CNN3: variants seen among roughly 807,000 people sequenced by gnomAD.
CNN3 encodes the protein calponin-3.
CNN3 carries 11 observed loss-of-function variants against 39.0 expected under a neutral mutation model. The ratio of observed to expected loss-of-function variants is 0.28; its 90% CI spans 0.18 to 0.47. CNN3 has a LOEUF of 0.47. Among genes scored for constraint, CNN3 ranks in the 20% least tolerant of loss-of-function variants. CNN3 has a pLI of 0.99. For missense variants in CNN3, 266 were observed against 403.4 expected (o/e 0.66, Z 2.92); for synonymous variants, 101 against 138.3 (o/e 0.73, Z 1.89).
chr1:94,899,129 CT>C (rs1670797079), intron 6 of CNN3, among the ~76,000 whole-genome samples: 1 of 152,152 alleles, frequency 6.6e-6, no homozygotes, highest in South Asian at 2.1e-4. Context: ...ATAAACATAT[CT>C]TTTTTTCTGC....
At position 94,926,759 on chromosome 1, in the gene CNN3, A is replaced by C. The variant is rs1671594524; in HGVS notation, c.57+79T>G. On this transcript the variant is annotated intron_variant, in intron 1 of 6. Transcript: ENST00000370206. The surrounding 1 kb of genome is among the most constrained non-coding windows in gnomAD (Gnocchi z 4.2). ...GAAAACGGTGAGCCACAGCGCGAAG[A>C]GCAAACGAAGCACGGCCCAGCGCCA... 6.8e-7 allele frequency: 1 copy of C among 1,460,254 alleles called. No homozygotes were observed. The highest frequency in any genetic ancestry group is 1.4e-5 in the African/African-American group (1 of 70,508). The allele number at this position is 1,460,254 out of a possible 1,614,324, so 90.5% of individuals were successfully genotyped here. A position where few individuals can be genotyped will look rare whatever the true frequency, so the allele number is the denominator to read the frequency against.
At chr1:94,907,631 T>C (rs1317225425) in intron 1 of CNN3, among the ~76,000 whole-genome samples, 5 of 152,278 alleles carry the variant, frequency 3.3e-5, no homozygotes, top group South Asian at 2.1e-4. Flanking sequence ...GAGGCCAAGG[T>C]GGGCAGATCG....
chr1:94,906,498 C>G (rs538598512), intron 1 of CNN3, among the ~76,000 whole-genome samples: 1 of 152,006 alleles, frequency 6.6e-6, no homozygotes, highest in East Asian at 1.9e-4. Context: ...AGGGCGTTCT[C>G]AACTAGGAGA....
In CNN3 at chr1:94,926,444, C is replaced by A. The variant is rs1304844039; in HGVS notation, c.57+394G>T. Among the ~76,000 whole-genome samples, 1 of 152,168 alleles carries A rather than the reference C, an allele frequency of 6.6e-6. No homozygotes were observed. The highest frequency in any genetic ancestry group is 1.9e-4 in the East Asian group (1 of 5,166). ...GGGCTGCGGCAGCGGCTCGCCGGGT[C>A]CCTGGCCGCGCAGACGGGCTCCGCC... On this transcript the variant is annotated intron_variant, in intron 1 of 6. Coordinates refer to ENST00000370206, the MANE Select transcript of CNN3 (RefSeq NM_001839.5). The surrounding 1 kb of genome is among the most constrained non-coding windows in gnomAD (Gnocchi z 4.2).
chr1:94,918,568 C>T (rs982058697), intron 1 of CNN3, among the ~76,000 whole-genome samples: 1 of 150,306 alleles, frequency 6.7e-6, no homozygotes, highest in African/African-American at 2.5e-5. Context: ...CATAGGAATC[C>T]TTAGTTCCAA....
At chr1:94,908,374 G>A (rs544314222) in intron 1 of CNN3, among the ~76,000 whole-genome samples, 36 of 152,264 alleles carry the variant, frequency 2.4e-4, no homozygotes, top group African/African-American at 6.0e-4. Flanking sequence ...TCGTGGTGGC[G>A]GCTTCAGCCC....
At chr1:94,922,600 CA>C (rs909390930) in intron 1 of CNN3, among the ~76,000 whole-genome samples, 1 of 152,046 alleles carries the variant, frequency 6.6e-6, no homozygotes, top group African/African-American at 2.4e-5. Flanking sequence ...CTAAGCCCAC[CA>C]ACACATTTTT....
At chr1:94,911,656 C>T (rs1304468578) in intron 1 of CNN3, among the ~76,000 whole-genome samples, 2 of 152,030 alleles carry the variant, frequency 1.3e-5, no homozygotes, top group Non-Finnish European at 1.5e-5. Flanking sequence ...GTGGTTCCAG[C>T]AACTTGGGAG....
chr1:94,909,762 T>C (rs1429885570), intron 1 of CNN3, among the ~76,000 whole-genome samples: 1 of 151,720 alleles, frequency 6.6e-6, no homozygotes, highest in African/African-American at 2.4e-5. Context: ...AAGGGAGACC[T>C]AGCTTCAAAA....
At chr1:94,923,735 TAA>T (rs892866135) in intron 1 of CNN3, among the ~76,000 whole-genome samples, 38 of 152,196 alleles carry the variant, frequency 2.5e-4, no homozygotes, top group African/African-American at 8.9e-4. Flanking sequence ...ACCAAATACT[TAA>T]AGAGGCAGGG....
Position 94,920,512 on chromosome 1 carries a change from T to C in CNN3, c.57+6326A>G, listed in dbSNP as rs185011027. On this transcript the variant is annotated intron_variant, in intron 1 of 6. Coordinates refer to ENST00000370206, the MANE Select transcript of CNN3 (RefSeq NM_001839.5). ...AACCATGGCTAAAATTTATATAATGTGGGCTTTTGATTCCAGGCATTATTC... is the reference window on the plus strand; with the variant it reads ...AACCATGGCTAAAATTTATATAATGCGGGCTTTTGATTCCAGGCATTATTC... Among the ~76,000 whole-genome samples, 7 of 152,344 alleles carry C rather than the reference T, an allele frequency of 4.6e-5. No individual in the cohort carries two copies. The East Asian group carries it at 1.3e-3, about 29-fold the overall frequency.
rs1208958113 is a variant in CNN3 at position 94,899,630 on chromosome 1, C to T, written c.502-113G>A. Reference sequence around the variant, plus strand: ...CAGAAGGGGCACAACCGACAAGTTACTGAGCTGAGGCTCCAGTCAACTCTT... The same window carrying T: ...CAGAAGGGGCACAACCGACAAGTTATTGAGCTGAGGCTCCAGTCAACTCTT... On this transcript the variant is annotated intron_variant, in intron 5 of 6. Transcript: ENST00000370206. 7 of 1,072,304 alleles carry T rather than the reference C, an allele frequency of 6.5e-6. No individual in the cohort carries two copies. The African/African-American group carries it at 1.1e-4, about 17-fold the overall frequency. The allele number at this position is 1,072,304 out of a possible 1,614,324, so 66.4% of individuals were successfully genotyped here.
intron 4 of CNN3, 85 bp downstream of exon 4, chr1:94,902,036 C>T: frequency 1.6e-6 from 2 of 1,235,664 alleles, no homozygotes; most frequent in Non-Finnish European, 2.4e-6. Flanking sequence ...CCCACCTGGT[C>T]TGAACCCCCA....
At chr1:94,915,689 G>A (rs1301729538) in intron 1 of CNN3, among the ~76,000 whole-genome samples, 2 of 152,128 alleles carry the variant, frequency 1.3e-5, no homozygotes, top group East Asian at 1.9e-4. Context: ...CAGATCAAGG[G>A]CCAATGGAAA....
chr1:94,908,577 G>A (rs1338231494), intron 1 of CNN3, among the ~76,000 whole-genome samples: 1 of 152,144 alleles, frequency 6.6e-6, no homozygotes, highest in Non-Finnish European at 1.5e-5. Flanking sequence ...GTCTCGCTCT[G>A]TCACCCAAGC....
chr1:94,899,299 CTACTT>C lies in CNN3; in HGVS notation c.648+67_648+71del, dbSNP rs1374892248. 13 of 1,453,896 alleles carry C rather than the reference CTACTT, an allele frequency of 8.9e-6. No individual in the cohort carries two copies. The East Asian group carries it at 3.1e-4, about 35-fold the overall frequency. 90.1% of individuals were successfully genotyped at this position (1,453,896 alleles called of 1,614,324 possible). On this transcript the variant is annotated intron_variant, in intron 6 of 6. Coordinates refer to ENST00000370206, the MANE Select transcript of CNN3 (RefSeq NM_001839.5). Reference sequence around the variant, plus strand: ...TCTAAATAAACTATACAAAAAATACCTACTTTAAACTTCTGGTTAATAAAAATAAG... The same window carrying C: ...TCTAAATAAACTATACAAAAAATACCTAAACTTCTGGTTAATAAAAATAAG...
At chr1:94,898,738 G>T (rs1234107183) in intron 6 of CNN3, among the ~76,000 whole-genome samples, 1 of 152,128 alleles carries the variant, frequency 6.6e-6, no homozygotes, top group Non-Finnish European at 1.5e-5. Context: ...ACATAATGCC[G>T]CACCCGGTAG....
chr1:94,907,617 C>T (rs908495768), intron 1 of CNN3, among the ~76,000 whole-genome samples: 14 of 152,134 alleles, frequency 9.2e-5, no homozygotes, highest in Admixed American at 2.0e-4. Context: ...TCCCAGCATT[C>T]TGGGAGGCCA....
intron 1 of CNN3, chr1:94,924,475 T>C (rs1476009138): frequency 6.6e-6 from 1 of 152,182 alleles, no homozygotes; most frequent in East Asian, 1.9e-4. Context: ...ATACAAACAT[T>C]AGCCGGGCAT....
Sources: gnomAD v4.1 joint callset for allele counts (sites outside exome capture counted in the v4.1 genomes callset) on GRCh38, gnomAD v4.1.1 for gene constraint, Gnocchi (gnomAD v3.1) non-coding constraint, MANE v1.5 for transcripts, NCBI Gene and HGNC (gene_info 2026-07-23, HGNC 2026-07-21) for gene names.